Variants in WWP2 observed in about 807,000 individuals in gnomAD.
WWP2 encodes the protein WW domain containing E3 ubiquitin protein ligase 2.
In WWP2, 57 loss-of-function variants were observed where a neutral mutation model predicts 121.0. The ratio of observed to expected loss-of-function variants is 0.47; its 90% CI spans 0.38 to 0.59. The LOEUF (loss-of-function observed/expected upper bound fraction) is 0.59, where lower values mean the gene tolerates loss of function less well. Among genes scored for constraint, WWP2 ranks in the 20% least tolerant of loss-of-function variants. WWP2 has a pLI of 0.00. For synonymous variants in WWP2, 449 were observed against 441.3 expected, an observed-to-expected ratio of 1.02 and a Z score of -0.22; for missense variants, 962 against 1,158.9, an observed-to-expected ratio of 0.83 and a Z score of 2.47.
chr16:69,809,504 C>T (rs139901059), intron 4 of WWP2, among the ~76,000 whole-genome samples: 19 of 152,042 alleles, frequency 1.2e-4, no homozygotes, highest in African/African-American at 2.2e-4. Flanking sequence ...CGGTGGCTCA[C>T]GCCTGTAATC....
intron 1 of WWP2, among the ~76,000 whole-genome samples, chr16:69,777,870 C>T: frequency 6.7e-6 from 1 of 150,240 alleles, no homozygotes; most frequent in East Asian, 2.0e-4. Flanking sequence ...AGTTCCAGAT[C>T]AGCCTGAACA....
At chr16:69,796,007 T>A (rs1167029277) in intron 2 of WWP2, among the ~76,000 whole-genome samples, 1 of 151,196 alleles carries the variant, frequency 6.6e-6, no homozygotes, top group Non-Finnish European at 1.5e-5. Flanking sequence ...CCAGAACAAA[T>A]TTTTTTTTCT....
chr16:69,912,919 AAAAC>A (rs1186801098), intron 9 of WWP2, among the ~76,000 whole-genome samples: 90 of 566 alleles, frequency 0.16, 13 homozygotes, highest in East Asian at 0.25. Flanking sequence ...CAGTCTCTAC[AAAAC>A]AAAAAAAAAA....
chr16:69,873,026 G>A (rs1018612486), intron 7 of WWP2, among the ~76,000 whole-genome samples: 27 of 152,214 alleles, frequency 1.8e-4, no homozygotes, highest in Non-Finnish European at 1.0e-4. Flanking sequence ...GGATGTAGAT[G>A]TTTCGCTTGG....
intron 18 of WWP2, 40 bp from the exon 19 acceptor site, chr16:69,936,272 C>T (rs1272324675): frequency 6.2e-7 from 1 of 1,613,120 alleles, no homozygotes; most frequent in Admixed American, 1.7e-5. Flanking sequence ...AAGACCCTGA[C>T]ACGGTAGACA....
In WWP2 at chr16:69,826,954, AGGG is replaced by A. The variant is rs66938317; in HGVS notation, c.341-13164_341-13162del. Among the ~76,000 whole-genome samples the A allele has an allele frequency of 1.2e-4, 13 of 110,428 alleles. 2 individuals carry two copies. The highest frequency in any genetic ancestry group is 3.5e-4 in the African/African-American group (11 of 31,076). 72.4% of individuals were successfully genotyped at this position (110,428 alleles called of 152,430 possible). On this transcript the variant is annotated intron_variant, in intron 4 of 23. Transcript: ENST00000359154. ...ACTCCACCTCAAAAAAAAAAAAAAA[AGGG>A]GGGGGGGCGGAGAGAATAATGGACC...
chr16:69,858,439 A>G (rs888399151), intron 6 of WWP2, among the ~76,000 whole-genome samples: 3 of 152,018 alleles, frequency 2.0e-5, no homozygotes, highest in Non-Finnish European at 4.4e-5. Flanking sequence ...TGGGTGGGTC[A>G]TGTTGCTGGT....
Position 69,940,005 on chromosome 16 carries a change from C to A in WWP2, c.*65C>A. On this transcript the variant is annotated 3_prime_UTR_variant, in exon 24 of 24. Transcript: ENST00000359154. ...TCCTGAGTCCTCCCTGCCTGAGAGG[C>A]CACTGGCCCCGCAGCCCTTGGGAGG... 7.3e-7 allele frequency: 1 copy of A among 1,371,432 alleles called. No homozygotes were observed. The highest frequency in any genetic ancestry group is 1.0e-6 in the Non-Finnish European group (1 of 987,174). The allele number at this position is 1,371,432 out of a possible 1,614,324, so 85.0% of individuals were successfully genotyped here. A position where few individuals can be genotyped will look rare whatever the true frequency, so the allele number is the denominator to read the frequency against.
chr16:69,886,016 A>C (rs1470150162), intron 7 of WWP2, among the ~76,000 whole-genome samples: 2 of 152,214 alleles, frequency 1.3e-5, no homozygotes, highest in Middle Eastern at 3.2e-3. Flanking sequence ...GGGGTTGCCT[A>C]GAAACACTGA....
intron 1 of WWP2, among the ~76,000 whole-genome samples, chr16:69,784,420 A>G (rs1279047053): frequency 1.3e-5 from 2 of 152,136 alleles, no homozygotes; most frequent in Non-Finnish European, 2.9e-5. Context: ...TCATAATGAC[A>G]TTAACACTTT....
intron 8 of WWP2, among the ~76,000 whole-genome samples, chr16:69,903,766 C>CAAAAAAAA (rs1270704481): frequency 3.5e-5 from 3 of 86,364 alleles, no homozygotes; most frequent in African/African-American, 8.3e-5. Flanking sequence ...GAATCTGTCT[C>CAAAAAAAA]AAAAAAAAAA....
At chr16:69,832,070 C>A (rs1456374776) in intron 4 of WWP2, among the ~76,000 whole-genome samples, 2 of 152,130 alleles carry the variant, frequency 1.3e-5, no homozygotes, top group African/African-American at 4.8e-5. Flanking sequence ...CTCAAGCGAA[C>A]CATCTGCCTC....
intron 9 of WWP2, chr16:69,909,183 C>T (rs2058345310): frequency 9.7e-6 from 10 of 1,029,254 alleles, no homozygotes; most frequent in East Asian, 8.7e-5. Context: ...CCAAGTTATC[C>T]AAAACCAAAG....
At chr16:69,939,184 G>A (rs1461341448) in intron 22 of WWP2, 61 bp downstream of exon 22, 3 of 1,562,496 alleles carry the variant, frequency 1.9e-6, no homozygotes, top group African/African-American at 1.4e-5. Context: ...AGAGGGAGGG[G>A]GAAACCTAGT....
intron 1 of WWP2, among the ~76,000 whole-genome samples, chr16:69,780,648 A>G (rs2055644446): frequency 6.6e-6 from 1 of 152,184 alleles, no homozygotes; most frequent in Non-Finnish European, 1.5e-5. Flanking sequence ...TCTGATGAGT[A>G]GCAAAGAGAG....
At chr16:69,803,173 A>G (rs2056206229) in intron 4 of WWP2, among the ~76,000 whole-genome samples, 1 of 148,958 alleles carries the variant, frequency 6.7e-6, no homozygotes, top group African/African-American at 2.5e-5. Flanking sequence ...TGGCTGAATT[A>G]TTTTTATTTT....
intron 10 of WWP2, among the ~76,000 whole-genome samples, chr16:69,924,653 C>T (rs2058611842): frequency 6.6e-6 from 1 of 151,876 alleles, no homozygotes. Context: ...CCCTTCTTTC[C>T]CCTGTCTCCC....
intron 9 of WWP2, chr16:69,909,745 GTTATGAAAA>G (rs1398009863): frequency 1.0e-6 from 1 of 954,460 alleles, no homozygotes; most frequent in African/African-American, 1.8e-5. Context: ...TAAGTGTTTT[GTTATGAAAA>G]TTATGAAAAT....
chr16:69,908,998 C>G, intron 9 of WWP2, 148 bp downstream of exon 9: 2 of 1,453,094 alleles, frequency 1.4e-6, no homozygotes, highest in South Asian at 2.9e-5. Flanking sequence ...ATCCACTTAC[C>G]TTAATATTGC....
Sources: gnomAD v4.1 joint callset for allele counts (sites outside exome capture counted in the v4.1 genomes callset) on GRCh38, gnomAD v4.1.1 for gene constraint, MANE v1.5 for transcripts, NCBI Gene and HGNC (gene_info 2026-07-23, HGNC 2026-07-21) for gene names.